USH2A: variants seen among roughly 807,000 people sequenced by gnomAD.
USH2A encodes the protein usherin.
In USH2A, 443 loss-of-function variants were observed where a neutral mutation model predicts 538.9. The observed-to-expected ratio is 0.82, with a 90% CI of 0.76 to 0.89. USH2A has a LOEUF of 0.89. Ranked by LOEUF, USH2A falls within the 40% of genes least tolerant of loss-of-function variation. The probability of loss-of-function intolerance (pLI) is 0.00; values close to 1 mark genes in which losing one functional copy is unlikely to be tolerated. For synonymous variants in USH2A, 2,413 were observed against 2,273.5 expected (o/e 1.06, Z -1.75); for missense variants, 6,633 against 6,324.8 (o/e 1.05, Z -1.65).
chr1:216,179,765 A>G (rs914334998), intron 20 of USH2A, among the ~76,000 whole-genome samples: 4 of 152,128 alleles, frequency 2.6e-5, no homozygotes, highest in African/African-American at 9.6e-5. Context: ...ACATAGAATC[A>G]CCAAGAGATT....
intron 21 of USH2A, among the ~76,000 whole-genome samples, chr1:216,107,427 T>G (rs1476302782): frequency 6.6e-6 from 1 of 151,854 alleles, no homozygotes; most frequent in Non-Finnish European, 1.5e-5. Flanking sequence ...GATATAAATA[T>G]TGCCACTACC....
chr1:215,748,442 A>G (rs933956207), intron 58 of USH2A, among the ~76,000 whole-genome samples: 1 of 152,228 alleles, frequency 6.6e-6, no homozygotes, highest in Non-Finnish European at 1.5e-5. Flanking sequence ...GATGAAGACA[A>G]ACACTGGAAT....
chr1:216,173,410 A>G (rs910458508), intron 21 of USH2A, among the ~76,000 whole-genome samples: 1 of 152,166 alleles, frequency 6.6e-6, no homozygotes, highest in African/African-American at 2.4e-5. Flanking sequence ...AGAACTTCTC[A>G]TTCTCCAGGA....
chr1:216,313,815 TTC>T (rs2037463031), intron 9 of USH2A, among the ~76,000 whole-genome samples: 1 of 152,194 alleles, frequency 6.6e-6, no homozygotes, highest in African/African-American at 2.4e-5. Context: ...CTTGGTTGCC[TTC>T]TCTCTGCATT....
At chr1:216,052,308 C>G (rs558637605) in intron 30 of USH2A, among the ~76,000 whole-genome samples, 1 of 150,922 alleles carries the variant, frequency 6.6e-6, no homozygotes, top group African/African-American at 2.4e-5. Context: ...CATTTCAAGC[C>G]CGGTGAAACA....
chr1:216,097,359 C>A, intron 21 of USH2A, 146 bp from the exon 22 acceptor site: 1 of 1,423,578 alleles, frequency 7.0e-7, no homozygotes, highest in Non-Finnish European at 9.6e-7. Flanking sequence ...TGGTCTAGGC[C>A]ATTTGGTTTT....
chr1:216,298,777 T>C (rs1321815928), intron 9 of USH2A, among the ~76,000 whole-genome samples: 3 of 152,166 alleles, frequency 2.0e-5, no homozygotes, highest in East Asian at 1.9e-4. Flanking sequence ...CCACTCCTTT[T>C]AGGAGGAGCA....
chr1:215,794,379 C>T (rs1431308049), intron 50 of USH2A, among the ~76,000 whole-genome samples: 1 of 152,128 alleles, frequency 6.6e-6, no homozygotes, highest in Non-Finnish European at 1.5e-5. Context: ...GTGGCAGGCA[C>T]ACAATGCCAG....
chr1:216,369,951 A>G (rs1018616854), intron 3 of USH2A, among the ~76,000 whole-genome samples: 20 of 148,998 alleles, frequency 1.3e-4, no homozygotes, highest in Non-Finnish European at 8.9e-5. Flanking sequence ...AGTATGTCAG[A>G]CATTGTTCTA....
rs756881542 is a variant in USH2A at position 215,728,091 on chromosome 1, T to C, written c.12005A>G (p.Tyr4002Cys). The change falls in exon 61 of 72, where the codon TAC becomes TGC. Residue 4002 changes from tyrosine (Y) to cysteine (C), a missense_variant. Tyr to Cys is a radical substitution (Grantham distance 194). Coordinates refer to ENST00000307340, the MANE Select transcript of USH2A (RefSeq NM_206933.4). ...NGIISHYRVV[Y>C]QERPDDPTFN... The stretch of plus-strand genomic sequence containing the variant: ...TGTAGGATCGTCGGGTCTCTCCTGG[T>C]AGACCACACGGTAATGGGAGATAAT... 11 of 1,614,076 alleles carry C rather than the reference T, an allele frequency of 6.8e-6. No individual in the cohort carries two copies. The highest frequency in any genetic ancestry group is 3.3e-5 in the Admixed American group (2 of 60,004).
chr1:216,325,750 T>G, intron 5 of USH2A, 151 bp from the exon 6 acceptor site: 1 of 768,112 alleles, frequency 1.3e-6, no homozygotes, highest in Non-Finnish European at 2.0e-6. Flanking sequence ...AAAATAAAAC[T>G]TATTTTTGGC....
intron 49 of USH2A, among the ~76,000 whole-genome samples, chr1:215,811,981 G>T (rs1372409005): frequency 2.5e-5 from 2 of 78,784 alleles, no homozygotes; most frequent in East Asian, 4.7e-4. Context: ...AACCCCTAGG[G>T]TTTTTTTTTT....
intron 70 of USH2A, chr1:215,630,346 C>A: frequency 2.2e-6 from 1 of 446,286 alleles, no homozygotes; most frequent in South Asian, 1.6e-5. Flanking sequence ...ATTATCATAC[C>A]CATATTTAAT....
intron 4 of USH2A, among the ~76,000 whole-genome samples, chr1:216,355,923 C>T (rs535410747): frequency 2.3e-4 from 35 of 152,046 alleles, no homozygotes; most frequent in African/African-American, 6.5e-4. Flanking sequence ...TTTATGATAG[C>T]GAAATTTTAT....
At chr1:215,993,639 A>T (rs1668062182) in intron 34 of USH2A, among the ~76,000 whole-genome samples, 1 of 152,190 alleles carries the variant, frequency 6.6e-6, no homozygotes, top group African/African-American at 2.4e-5. Context: ...CAGCAAATAC[A>T]ATTGCCTTTT....
intron 58 of USH2A, among the ~76,000 whole-genome samples, chr1:215,745,684 G>T (rs1165342538): frequency 6.6e-6 from 1 of 152,182 alleles, no homozygotes; most frequent in Admixed American, 6.5e-5. Context: ...ACTTGTTCCA[G>T]ATTGCACACT....
chr1:216,294,670 G>A (rs2037069663), intron 9 of USH2A, among the ~76,000 whole-genome samples: 2 of 151,594 alleles, frequency 1.3e-5, no homozygotes, highest in Non-Finnish European at 1.5e-5. Context: ...ATTCCTTCTA[G>A]AAAAATTAAA....
At chr1:216,210,546 C>A (rs2035218042) in intron 15 of USH2A, among the ~76,000 whole-genome samples, 2 of 152,088 alleles carry the variant, frequency 1.3e-5, no homozygotes, top group Non-Finnish European at 2.9e-5. Context: ...CTTCTTCTTC[C>A]CCATGTTACC....
Position 215,888,851 on chromosome 1 carries a change from C to T in USH2A, c.7798G>A (p.Val2600Ile). The T allele has an allele frequency of 1.2e-6, 2 of 1,614,146 alleles. No individual in the cohort carries two copies. Among genetic ancestry groups the T allele is most frequent in the East Asian group, 2.2e-5 (1 of 44,878 alleles). Residue 2600 changes from valine (V) to isoleucine (I), a missense_variant, in exon 41 of 72, where the codon GTA becomes ATA. Physicochemically the swap from Val to Ile is conservative, Grantham distance 29 (BLOSUM62 3). Transcript: ENST00000307340. ...LHPYTAYKFQVEACTSKGCSL... is the reference protein window; with the variant it reads ...LHPYTAYKFQIEACTSKGCSL... Reference sequence around the variant, plus strand: ...CATCCTTTTGAAGTGCAGGCTTCTACCTGAAACTTATAGGCAGTGTATGGG... The same window carrying T: ...CATCCTTTTGAAGTGCAGGCTTCTATCTGAAACTTATAGGCAGTGTATGGG...
Sources: gnomAD v4.1 joint callset for allele counts (sites outside exome capture counted in the v4.1 genomes callset) on GRCh38, gnomAD v4.1.1 for gene constraint, MANE v1.5 for transcripts, NCBI Gene and HGNC (gene_info 2026-07-23, HGNC 2026-07-21) for gene names.